PRKG1: variants seen among roughly 807,000 people sequenced by gnomAD.
PRKG1 encodes cGMP-dependent protein kinase 1.
A neutral mutation model predicts 88.1 loss-of-function variants in PRKG1; 35 were observed. The ratio of observed to expected loss-of-function variants is 0.40; its 90% CI spans 0.30 to 0.53. The LOEUF (loss-of-function observed/expected upper bound fraction) is 0.53, where lower values mean the gene tolerates loss of function less well. Among genes scored for constraint, PRKG1 ranks in the 20% least tolerant of loss-of-function variants. PRKG1 has a pLI of 0.59. For synonymous variants in PRKG1, 303 were observed against 292.5 expected, an observed-to-expected ratio of 1.04 and a Z score of -0.37; for missense variants, 540 against 839.8, an observed-to-expected ratio of 0.64 and a Z score of 4.41.
chr10:51,102,138 CA>C (rs1371032541), intron 1 of PRKG1, among the ~76,000 whole-genome samples: 1 of 152,122 alleles, frequency 6.6e-6, no homozygotes, highest in Non-Finnish European at 1.5e-5. Context: ...AGTAGAAATA[CA>C]ATATGCAAGT....
Position 51,756,835 on chromosome 10 carries a change from AT to A in PRKG1, c.593-47749del, listed in dbSNP as rs773976166. ...ATCTCAAAAATAAATAAATAAATAA[AT>A]AAAATAATAATTAAAAAATAAAAAT... On this transcript the variant is annotated intron_variant, in intron 3 of 17. Coordinates refer to ENST00000373980, the MANE Select transcript of PRKG1 (RefSeq NM_006258.4). Among the ~76,000 whole-genome samples, 93 of 151,712 alleles carry A rather than the reference AT, an allele frequency of 6.1e-4. 1 individual carries two copies. Among genetic ancestry groups the A allele is most frequent in the Admixed American group, 2.7e-3 (41 of 15,228 alleles).
At chr10:51,416,113 G>A (rs986415988) in intron 2 of PRKG1, among the ~76,000 whole-genome samples, 1 of 152,078 alleles carries the variant, frequency 6.6e-6, no homozygotes, top group African/African-American at 2.4e-5. Flanking sequence ...TAAAAATAAA[G>A]AAAGCTTTAC....
intron 3 of PRKG1, among the ~76,000 whole-genome samples, chr10:51,683,970 C>CT (rs1468109436): frequency 6.6e-6 from 1 of 152,148 alleles, no homozygotes; most frequent in Non-Finnish European, 1.5e-5. Flanking sequence ...GGAAAACAGT[C>CT]TAATGGTTCC....
chr10:51,156,323 A>ACACACACACACACACACACACC (rs796364856), intron 2 of PRKG1, among the ~76,000 whole-genome samples: 1,719 of 151,164 alleles, frequency 0.011, 18 homozygotes, highest in Non-Finnish European at 0.018. Flanking sequence ...AAACACACAC[A>ACACACACACACACACACACACC]CCCGAATGTA....
At chr10:51,684,441 A>G (rs1005346903) in intron 3 of PRKG1, among the ~76,000 whole-genome samples, 2 of 152,156 alleles carry the variant, frequency 1.3e-5, no homozygotes, top group Admixed American at 6.5e-5. Flanking sequence ...CAACCATTAC[A>G]TTGGATGCTT....
chr10:51,811,257 T>C (rs1839448892), intron 4 of PRKG1, among the ~76,000 whole-genome samples: 1 of 152,134 alleles, frequency 6.6e-6, no homozygotes. Context: ...CTTATTTAGA[T>C]TATTAATTCA....
At position 51,517,339 on chromosome 10, in the gene PRKG1, G is replaced by A. The variant is rs138057316; in HGVS notation, c.592+49503G>A. On this transcript the variant is annotated intron_variant, in intron 3 of 17. Coordinates refer to ENST00000373980, the MANE Select transcript of PRKG1 (RefSeq NM_006258.4). ...AGTGGCCTTCTGCCTTCAGAGATAA[G>A]TGTTTCTCTTTCTTCTGGGTATGGG... Among the ~76,000 whole-genome samples the A allele has an allele frequency of 6.2e-4, 94 of 152,310 alleles. 1 individual carries two copies. The highest frequency in any genetic ancestry group is 2.2e-3 in the African/African-American group (93 of 41,580).
chr10:51,639,537 A>T (rs562404690), intron 3 of PRKG1, among the ~76,000 whole-genome samples: 2 of 150,352 alleles, frequency 1.3e-5, no homozygotes, highest in East Asian at 3.9e-4. Flanking sequence ...ACTATTTAAA[A>T]GCTAAGTTAA....
chr10:51,269,886 T>C (rs1198966920), intron 2 of PRKG1, among the ~76,000 whole-genome samples: 1 of 152,174 alleles, frequency 6.6e-6, no homozygotes. Flanking sequence ...TCAAATGCTA[T>C]CTTTAAAAAG....
At chr10:51,956,962 C>T (rs1044497993) in intron 5 of PRKG1, among the ~76,000 whole-genome samples, 9 of 150,782 alleles carry the variant, frequency 6.0e-5, no homozygotes, top group African/African-American at 1.5e-4. Context: ...TCCTTCCTTC[C>T]TTCCTTCCTC....
intron 4 of PRKG1, among the ~76,000 whole-genome samples, chr10:51,868,566 T>C (rs1179629758): frequency 2.0e-5 from 3 of 152,272 alleles, no homozygotes; most frequent in African/African-American, 7.2e-5. Context: ...TATCTTCCCC[T>C]GTTCTGTCTA....
intron 4 of PRKG1, among the ~76,000 whole-genome samples, chr10:51,906,293 ACT>A (rs1842085080): frequency 6.6e-6 from 1 of 152,078 alleles, no homozygotes. Context: ...AAAGAGTCAA[ACT>A]CTGTAAAATA....
intron 2 of PRKG1, among the ~76,000 whole-genome samples, chr10:51,441,746 T>C (rs543787409): frequency 6.6e-6 from 1 of 152,048 alleles, no homozygotes; most frequent in African/African-American, 2.4e-5. Context: ...TTGATCATTA[T>C]AACCTTGAGT....
At chr10:51,961,255 T>C (rs1903958) in intron 5 of PRKG1, among the ~76,000 whole-genome samples, 152,248 of 152,250 alleles carry the variant, frequency 1, 76,123 homozygotes, top group Non-Finnish European at 1. Flanking sequence ...CCACAGTGGG[T>C]TCTGCTGAAC....
intron 1 of PRKG1, among the ~76,000 whole-genome samples, chr10:51,145,625 T>A (rs537126910): frequency 5.3e-5 from 8 of 152,294 alleles, no homozygotes; most frequent in African/African-American, 1.7e-4. Context: ...AAAATGCATC[T>A]CTAGAGAGCT....
intron 2 of PRKG1, among the ~76,000 whole-genome samples, chr10:51,158,168 G>T (rs1164584724): frequency 1.3e-5 from 2 of 151,722 alleles, no homozygotes; most frequent in Non-Finnish European, 3.0e-5. Context: ...TTAATTATAT[G>T]CCATGTACTG....
At chr10:51,237,853 A>C (rs1839038671) in intron 2 of PRKG1, among the ~76,000 whole-genome samples, 1 of 152,240 alleles carries the variant, frequency 6.6e-6, no homozygotes, top group Admixed American at 6.5e-5. Context: ...GATCCCTGAC[A>C]AGTTGAAGTC....
chr10:51,741,556 G>A (rs1482957274), intron 3 of PRKG1, among the ~76,000 whole-genome samples: 3 of 152,086 alleles, frequency 2.0e-5, no homozygotes, highest in Non-Finnish European at 4.4e-5. Flanking sequence ...AAAATTCAAA[G>A]AGGTTATAAT....
At chr10:51,785,792 A>C (rs965019273) in intron 3 of PRKG1, among the ~76,000 whole-genome samples, 10 of 152,274 alleles carry the variant, frequency 6.6e-5, no homozygotes, top group Non-Finnish European at 1.3e-4. Flanking sequence ...CAAATTGATA[A>C]GGACATAGTA....
Sources: gnomAD v4.1 joint callset for allele counts (sites outside exome capture counted in the v4.1 genomes callset) on GRCh38, gnomAD v4.1.1 for gene constraint, MANE v1.5 for transcripts, NCBI Gene and HGNC (gene_info 2026-07-23, HGNC 2026-07-21) for gene names.